TAS2R1: variants seen among roughly 807,000 people sequenced by gnomAD.
TAS2R1 encodes the protein taste receptor type 2 member 1.
For missense variants in TAS2R1, 370 were observed against 353.4 expected, an observed-to-expected ratio of 1.05 and a Z score of -0.38; for synonymous variants, 141 against 134.2, an observed-to-expected ratio of 1.05 and a Z score of -0.35.
chr5:9,822,486 A>G, the TAS2R1 span, among the ~76,000 whole-genome samples: 1 of 151,528 alleles, frequency 6.6e-6, no homozygotes, highest in Non-Finnish European at 1.5e-5. Context: ...AGTAGCTGGG[A>G]CTACAGGTGT....
At chr5:9,663,593 T>C (rs1030934362) in intron 1 of TAS2R1, among the ~76,000 whole-genome samples, 25 of 152,218 alleles carry the variant, frequency 1.6e-4, no homozygotes, top group African/African-American at 5.8e-4. Flanking sequence ...TAATTAGCTA[T>C]ACTGAGCTTG....
At chr5:9,780,133 C>A in the TAS2R1 span, among the ~76,000 whole-genome samples, 4 of 152,194 alleles carry the variant, frequency 2.6e-5, no homozygotes, top group Non-Finnish European at 5.9e-5. Context: ...TAGAAGACTG[C>A]TGTTAATCAT....
In TAS2R1 at chr5:9,627,834, A is replaced by C. The variant is rs1303341166; in HGVS notation, c.*1299T>G. ...GAAACCTGTGGGAAGTTGAGAGTAC[A>C]CTCAGAGCTTAGTTCCCATGCCCAA... On this transcript the variant is annotated 3_prime_UTR_variant, in exon 1 of 1. Transcript: ENST00000382492. Among the ~76,000 whole-genome samples, 1 of 152,118 alleles carries C rather than the reference A, an allele frequency of 6.6e-6. No homozygotes were observed. Among genetic ancestry groups the C allele is most frequent in the Non-Finnish European group, 1.5e-5 (1 of 68,020 alleles).
At chr5:9,654,186 C>T (rs1409530000) in intron 2 of TAS2R1, among the ~76,000 whole-genome samples, 2 of 152,152 alleles carry the variant, frequency 1.3e-5, no homozygotes, top group Non-Finnish European at 2.9e-5. Context: ...ATTAAAAAGA[C>T]TTATAAACTC....
upstream of TAS2R1, among the ~76,000 whole-genome samples, chr5:9,715,445 AGAG>A (rs1015956022): frequency 6.6e-6 from 1 of 152,232 alleles, no homozygotes; most frequent in African/African-American, 2.4e-5. Context: ...AAGCAACAAC[AGAG>A]GAGAACTGCA....
chr5:9,801,839 G>A, the TAS2R1 span, among the ~76,000 whole-genome samples: 1 of 152,130 alleles, frequency 6.6e-6, no homozygotes, highest in African/African-American at 2.4e-5. Context: ...CCATTGGACT[G>A]GGAACCACTC....
chr5:9,812,556 G>C, the TAS2R1 span, among the ~76,000 whole-genome samples: 14 of 152,136 alleles, frequency 9.2e-5, no homozygotes, highest in African/African-American at 2.7e-4. Context: ...AAAGTCAGTA[G>C]AGTGAGAATA....
At chr5:9,633,294 T>TTATATATATATATATA (rs200096603), upstream of TAS2R1, among the ~76,000 whole-genome samples, 61 of 67,788 alleles carry the variant, frequency 9.0e-4, no homozygotes, top group East Asian at 5.0e-3. Context: ...TGTGTGTATA[T>TTATATATATATATATA]TATATATATA....
chr5:9,842,156 C>T, the TAS2R1 span, among the ~76,000 whole-genome samples: 2 of 151,498 alleles, frequency 1.3e-5, no homozygotes, highest in South Asian at 4.2e-4. Flanking sequence ...TCTGTCTCTA[C>T]TGTCCTTTGT....
chr5:9,710,484 C>T (rs1043028905), intron 1 of TAS2R1, among the ~76,000 whole-genome samples: 3 of 152,054 alleles, frequency 2.0e-5, no homozygotes, highest in African/African-American at 4.8e-5. Flanking sequence ...TTTGCCCCTA[C>T]CAAAAATGGG....
the TAS2R1 span, among the ~76,000 whole-genome samples, chr5:9,892,502 G>A: frequency 6.6e-6 from 1 of 152,148 alleles, no homozygotes; most frequent in Admixed American, 6.5e-5. Context: ...GTCTAGTTGA[G>A]CTGGTGTCCA....
intron 1 of TAS2R1, among the ~76,000 whole-genome samples, chr5:9,692,102 C>T (rs947868016): frequency 1.3e-5 from 2 of 152,170 alleles, no homozygotes; most frequent in African/African-American, 4.8e-5. Context: ...CAGTCTGCAT[C>T]TCATGCTCAC....
chr5:9,721,206 A>G, the TAS2R1 span, among the ~76,000 whole-genome samples: 1 of 152,232 alleles, frequency 6.6e-6, no homozygotes, highest in Non-Finnish European at 1.5e-5. Flanking sequence ...TTGTGAAGTT[A>G]CTATGTGTGG....
chr5:9,726,844 G>C, the TAS2R1 span, among the ~76,000 whole-genome samples: 1 of 152,160 alleles, frequency 6.6e-6, no homozygotes, highest in Non-Finnish European at 1.5e-5. Flanking sequence ...GCTTCACCAA[G>C]CCATTTTCCT....
At chr5:9,901,482 G>GA in the TAS2R1 span, among the ~76,000 whole-genome samples, 1 of 152,000 alleles carries the variant, frequency 6.6e-6, no homozygotes, top group African/African-American at 2.4e-5. Context: ...GAAACAATAA[G>GA]AAAAAAATAT....
the TAS2R1 span, among the ~76,000 whole-genome samples, chr5:9,789,317 T>C: frequency 1.3e-5 from 2 of 152,232 alleles, no homozygotes; most frequent in African/African-American, 4.8e-5. Context: ...CCTGGCACAA[T>C]TTAATCTTTA....
the TAS2R1 span, among the ~76,000 whole-genome samples, chr5:9,790,236 G>A: frequency 1.3e-5 from 2 of 152,304 alleles, no homozygotes; most frequent in South Asian, 4.1e-4. Flanking sequence ...TTCTGACAAA[G>A]AGCAGTATTT....
chr5:9,690,214 T>C (rs1741211226), intron 1 of TAS2R1, among the ~76,000 whole-genome samples: 2 of 151,884 alleles, frequency 1.3e-5, no homozygotes, highest in South Asian at 2.1e-4. Context: ...TTGTAATTTC[T>C]GGAATATATA....
intron 1 of TAS2R1, among the ~76,000 whole-genome samples, chr5:9,678,609 C>A (rs1740926030): frequency 6.6e-6 from 1 of 152,114 alleles, no homozygotes; most frequent in African/African-American, 2.4e-5. Flanking sequence ...TCATAAAAAG[C>A]AATGAGATTA....
Sources: gnomAD v4.1 joint callset for allele counts (sites outside exome capture counted in the v4.1 genomes callset) on GRCh38, gnomAD v4.1.1 for gene constraint, MANE v1.5 for transcripts, NCBI Gene and HGNC (gene_info 2026-07-23, HGNC 2026-07-21) for gene names.